EPHA7: variants seen among roughly 807,000 people sequenced by gnomAD.
EPHA7 encodes the protein EPH receptor A7, also known as ephrin type-A receptor 7.
A neutral mutation model predicts 112.6 loss-of-function variants in EPHA7; 25 were observed. That is an observed-to-expected ratio of 0.22 (90% CI 0.16 to 0.31). The LOEUF (loss-of-function observed/expected upper bound fraction) is 0.31. Among genes scored for constraint, EPHA7 ranks in the 10% least tolerant of loss-of-function variants. The probability of loss-of-function intolerance (pLI) is 1.00; values close to 1 mark genes in which losing one functional copy is unlikely to be tolerated. For synonymous variants in EPHA7, 437 were observed against 406.5 expected (o/e 1.07, Z -0.90); for missense variants, 962 against 1,212.6 (o/e 0.79, Z 3.07).
chr6:93,258,684 A>G (rs1770555593), intron 10 of EPHA7, among the ~76,000 whole-genome samples: 1 of 148,322 alleles, frequency 6.7e-6, no homozygotes, highest in Admixed American at 6.8e-5. Context: ...TTTTTTATAT[A>G]TATTATATTA....
At chr6:93,378,393 A>G (rs905660072) in intron 3 of EPHA7, among the ~76,000 whole-genome samples, 1 of 152,164 alleles carries the variant, frequency 6.6e-6, no homozygotes, top group Non-Finnish European at 1.5e-5. Flanking sequence ...AAGAGGCAGA[A>G]AACTAACGGG....
rs1286895663 is a variant in EPHA7 at position 93,243,533 on chromosome 6, T to A, written c.2890A>T (p.Met964Leu). 1 of 1,612,160 alleles carries A rather than the reference T, an allele frequency of 6.2e-7. No homozygotes were observed. The highest frequency in any genetic ancestry group is 2.2e-5 in the East Asian group (1 of 44,826). Residue 964 changes from methionine (M) to leucine (L), a missense_variant, in exon 17 of 17, where the codon ATG (methionine) becomes TTG (leucine). Physicochemically the swap from Met to Leu is conservative, Grantham distance 15. Around this residue, in one of 3 missense-constraint regions of EPHA7, gnomAD observed 746 missense variants for 889.2 expected, o/e 0.84. Transcript: ENST00000369303. The part of the protein sequence containing the change: ...SVARMTIEDV[M>L]SLGITLVGHQ... The stretch of plus-strand genomic sequence containing the variant: ...CCAACCAGTGTGATCCCTAAACTCA[T>A]CACATCCCTGAAAAAGACAAATGCA...
chr6:93,306,078 ATACT>A (rs938001294), intron 5 of EPHA7, among the ~76,000 whole-genome samples: 1 of 151,994 alleles, frequency 6.6e-6, no homozygotes, highest in African/African-American at 2.4e-5. Context: ...TGCAAGAATC[ATACT>A]TACTTGAACT....
intron 5 of EPHA7, among the ~76,000 whole-genome samples, chr6:93,280,501 G>C (rs962151711): frequency 6.6e-6 from 1 of 152,098 alleles, no homozygotes; most frequent in Non-Finnish European, 1.5e-5. Flanking sequence ...GTTGATAGTT[G>C]AGTGGCTACA....
intron 5 of EPHA7, among the ~76,000 whole-genome samples, chr6:93,278,134 T>C (rs1331207745): frequency 6.6e-6 from 1 of 151,996 alleles, no homozygotes; most frequent in Non-Finnish European, 1.5e-5. Flanking sequence ...TTTGGACATT[T>C]AATTAATTAT....
chr6:93,379,395 T>C, intron 3 of EPHA7, among the ~76,000 whole-genome samples: 1 of 152,106 alleles, frequency 6.6e-6, no homozygotes, highest in Non-Finnish European at 1.5e-5. Context: ...TATTATGAAA[T>C]ATGAATATTT....
Position 93,242,221 on chromosome 6 carries a change from A to G in EPHA7, c.*1205T>C. On this transcript the variant is annotated 3_prime_UTR_variant, in exon 17 of 17. Coordinates refer to ENST00000369303, the MANE Select transcript of EPHA7 (RefSeq NM_004440.4). ...GGGTAAAGAGTCCTTTCATTTAACAAGTTTCTTGCATCAGTGTTCACAAAC... is the reference window on the plus strand; with the variant it reads ...GGGTAAAGAGTCCTTTCATTTAACAGGTTTCTTGCATCAGTGTTCACAAAC... 5.1e-6 allele frequency: 1 copy of G among 197,238 alleles called. No individual in the cohort carries two copies. 12.2% of individuals were successfully genotyped at this position (197,238 alleles called of 1,614,324 possible). A position where few individuals can be genotyped will look rare whatever the true frequency, so the allele number is the denominator to read the frequency against.
intron 5 of EPHA7, among the ~76,000 whole-genome samples, chr6:93,296,170 C>T (rs969350180): frequency 3.3e-5 from 5 of 151,100 alleles, no homozygotes; most frequent in Non-Finnish European, 7.4e-5. Flanking sequence ...CTCAGAGGAA[C>T]ATTTGTTTCA....
chr6:93,246,811 G>A lies in EPHA7; in HGVS notation c.2707C>T (p.Pro903Ser), dbSNP rs2127846874. The A allele has an allele frequency of 1.2e-6, 2 of 1,607,768 alleles. No individual in the cohort carries two copies. The highest frequency in any genetic ancestry group is 1.3e-5 in the African/African-American group (1 of 74,952). The change falls in exon 15 of 17, where the codon CCC (proline) becomes TCC (serine). Residue 903 changes from proline to serine, a missense_variant. By Grantham distance (74) the Pro-to-Ser change is moderately conservative. This residue lies in a region of EPHA7 where 746 missense variants were observed against 889.2 expected (regional missense o/e 0.84). Coordinates refer to ENST00000369303, the MANE Select transcript of EPHA7 (RefSeq NM_004440.4). ...MIRNPNSLKT[P>S]LGTCSRPISP... ...TCTTACCTACTACAAGTTCCCAGGG[G>A]AGTTTTCAGACTATTTGGGTTTCGA...
At chr6:93,321,023 G>T (rs946986335) in intron 5 of EPHA7, among the ~76,000 whole-genome samples, 37 of 151,676 alleles carry the variant, frequency 2.4e-4, no homozygotes, top group African/African-American at 8.7e-4. Context: ...CTTATCACGT[G>T]TTATGAGGAG....
chr6:93,354,633 C>CAAAAAAAAA (rs35810853), intron 5 of EPHA7, among the ~76,000 whole-genome samples: 1 of 98,362 alleles, frequency 1.0e-5, no homozygotes, highest in African/African-American at 4.3e-5. Flanking sequence ...ACAAATAAAG[C>CAAAAAAAAA]AAAAAAAAAA....
intron 15 of EPHA7, 26 bp from the exon 16 acceptor site, chr6:93,245,479 G>T: frequency 1.9e-6 from 3 of 1,598,464 alleles, no homozygotes; most frequent in Non-Finnish European, 2.6e-6. Context: ...ACAGAAAAGC[G>T]AACATTATCC....
intron 9 of EPHA7, among the ~76,000 whole-genome samples, chr6:93,262,480 G>T (rs1444792033): frequency 2.6e-5 from 4 of 151,256 alleles, no homozygotes; most frequent in Non-Finnish European, 5.9e-5. Flanking sequence ...TTAGGGGAAA[G>T]AATACATGAT....
intron 9 of EPHA7, among the ~76,000 whole-genome samples, chr6:93,261,886 G>A (rs2127864222): frequency 6.6e-6 from 1 of 151,606 alleles, no homozygotes. Flanking sequence ...TGACAATTAA[G>A]CATAAGGCTA....
At chr6:93,271,666 T>C (rs1315289326) in intron 6 of EPHA7, among the ~76,000 whole-genome samples, 1 of 151,862 alleles carries the variant, frequency 6.6e-6, no homozygotes, top group Admixed American at 6.6e-5. Context: ...ATTTAGTCAT[T>C]ATAGGTGGAT....
intron 16 of EPHA7, among the ~76,000 whole-genome samples, chr6:93,244,009 G>A (rs907263116): frequency 6.6e-6 from 1 of 152,014 alleles, no homozygotes; most frequent in African/African-American, 2.4e-5. Flanking sequence ...TTCAATTAAC[G>A]TGTGGTAATT....
At chr6:93,332,268 A>T (rs1404206704) in intron 5 of EPHA7, among the ~76,000 whole-genome samples, 1 of 151,648 alleles carries the variant, frequency 6.6e-6, no homozygotes, top group African/African-American at 2.4e-5. Context: ...AAATAAACAA[A>T]AAAACTTGAG....
intron 3 of EPHA7, among the ~76,000 whole-genome samples, chr6:93,387,665 C>A (rs1400258655): frequency 6.6e-6 from 1 of 152,070 alleles, no homozygotes; most frequent in Non-Finnish European, 1.5e-5. Flanking sequence ...CCTCAGTAAA[C>A]TTATGATCAT....
chr6:93,266,004 A>G (rs549386845), intron 7 of EPHA7, among the ~76,000 whole-genome samples: 1 of 151,710 alleles, frequency 6.6e-6, no homozygotes, highest in Non-Finnish European at 1.5e-5. Context: ...TCTAATAGAT[A>G]CTTTCTGAAC....
Sources: allele counts gnomAD v4.1 joint callset (sites outside exome capture counted in the v4.1 genomes callset), GRCh38; gene constraint gnomAD v4.1.1; regional missense constraint gnomAD v4.1.1; transcripts MANE v1.5; gene names NCBI Gene and HGNC (gene_info 2026-07-23, HGNC 2026-07-21).